F8: variants seen among roughly 807,000 people sequenced by gnomAD.
F8 encodes the protein antihemophilic factor.
A neutral mutation model predicts 140.6 loss-of-function variants in F8; 12 were observed. The observed-to-expected ratio is 0.09, with a 90% CI of 0.05 to 0.14. F8 has a LOEUF of 0.14. Ranked by LOEUF, F8 falls within the 10% of genes least tolerant of loss-of-function variation. The pLI is 1.00. For synonymous variants in F8, 585 were observed against 614.6 expected (o/e 0.95, Z 0.71); for missense variants, 1,354 against 1,720.7 (o/e 0.79, Z 3.77).
intron 14 of F8, among the ~76,000 whole-genome samples, chrX:154,909,922 A>T (rs184955513): frequency 2.1e-4 from 24 of 112,176 alleles, no homozygotes; most frequent in African/African-American, 3.2e-5. Flanking sequence ...AACTATAGTC[A>T]CCCTACTGTA....
intron 6 of F8, among the ~76,000 whole-genome samples, chrX:154,976,946 T>C (rs1603435711): frequency 9.0e-6 from 1 of 111,702 alleles, no homozygotes; most frequent in East Asian, 2.8e-4. Flanking sequence ...AGTTGTTGTG[T>C]AGATCCTTTG....
chrX:154,852,672 T>G (rs2072624833), intron 25 of F8, among the ~76,000 whole-genome samples: 1 of 111,372 alleles, frequency 9.0e-6, no homozygotes, highest in South Asian at 3.7e-4. Flanking sequence ...TCAAGATTGT[T>G]TTGGCTATTC....
intron 22 of F8, among the ~76,000 whole-genome samples, chrX:154,867,805 A>G (rs1311836931): frequency 9.0e-6 from 1 of 110,913 alleles, no homozygotes; most frequent in Non-Finnish European, 1.9e-5. Context: ...AACACCAGCC[A>G]ACCAAATTCA....
intron 22 of F8, among the ~76,000 whole-genome samples, chrX:154,876,245 G>A (rs1418825830): frequency 1.9e-5 from 2 of 106,480 alleles, no homozygotes; most frequent in Non-Finnish European, 3.9e-5. Context: ...TCAGCCTCCC[G>A]AGTAGCTGGG....
At position 154,895,176 on chromosome X, in the gene F8, T is replaced by C. The variant is rs369697164; in HGVS notation, c.6429+901A>G. ...ATGCCAATCTTTTGCCAGTGCTCCC[T>C]GTTGGTGAAATCCAACCAAAAGCTG... On this transcript the variant is annotated intron_variant, in intron 22 of 25. Transcript: ENST00000360256. Among the ~76,000 whole-genome samples, 14 of 112,246 alleles carry C rather than the reference T, an allele frequency of 1.2e-4. No homozygotes were observed. The South Asian group carries it at 5.2e-3, about 42-fold the overall frequency.
intron 22 of F8, among the ~76,000 whole-genome samples, chrX:154,888,406 T>TTTTTTTTTTTTA (rs1288957215): frequency 2.7e-5 from 2 of 73,719 alleles, no homozygotes; most frequent in East Asian, 7.7e-4. Context: ...TTTTTTTTTT[T>TTTTTTTTTTTTA]CCCCCCGAGA....
intron 6 of F8, among the ~76,000 whole-genome samples, chrX:154,970,623 T>C (rs1260129405): frequency 2.7e-5 from 3 of 111,574 alleles, no homozygotes; most frequent in Non-Finnish European, 3.8e-5. Flanking sequence ...TCATTCCACA[T>C]AGAATAAAGT....
At chrX:154,932,384 A>G (rs1557278918) in intron 13 of F8, among the ~76,000 whole-genome samples, 1 of 112,196 alleles carries the variant, frequency 8.9e-6, no homozygotes, top group African/African-American at 3.2e-5. Context: ...GAATGCAACA[A>G]GTTATAATAG....
Position 154,837,730 on chromosome X carries a change from G to A in F8, c.6923C>T (p.Ser2308Phe). The A allele has an allele frequency of 8.3e-7, 1 of 1,211,691 alleles. No homozygotes were observed. Among genetic ancestry groups the A allele is most frequent in the Non-Finnish European group, 1.1e-6 (1 of 895,220 alleles). The change falls in exon 26 of 26, where the codon TCC (serine) becomes TTC (phenylalanine). Residue 2308 changes from serine to phenylalanine, a missense_variant. Around this residue, in one of 4 missense-constraint regions of F8, gnomAD observed 316 missense variants for 485.4 expected, o/e 0.65. Coordinates refer to ENST00000360256, the MANE Select transcript of F8 (RefSeq NM_000132.4). Reference sequence around the variant, plus strand: ...TAGAGAGTTCACCACAGGTGTGAAGGAGTCTTGATTTCCCTGAAAAACCTG... The same window carrying A: ...TAGAGAGTTCACCACAGGTGTGAAGAAGTCTTGATTTCCCTGAAAAACCTG... ...KVKVFQGNQDSFTPVVNSLDP... is the reference protein window; with the variant it reads ...KVKVFQGNQDFFTPVVNSLDP...
At chrX:154,843,012 G>C (rs1206864308) in intron 25 of F8, among the ~76,000 whole-genome samples, 1 of 111,345 alleles carries the variant, frequency 9.0e-6, no homozygotes, top group Non-Finnish European at 1.9e-5. Context: ...TGTTCTTATT[G>C]TTCAATTCCC....
At chrX:154,870,614 G>T (rs1603431831) in intron 22 of F8, among the ~76,000 whole-genome samples, 1 of 111,744 alleles carries the variant, frequency 8.9e-6, no homozygotes, top group Admixed American at 9.5e-5. Flanking sequence ...AAAACTGGAA[G>T]CATTCCCTTT....
chrX:154,941,546 G>C (rs1557279751), intron 13 of F8, among the ~76,000 whole-genome samples: 1 of 111,105 alleles, frequency 9.0e-6, no homozygotes, highest in Non-Finnish European at 1.9e-5. Flanking sequence ...AAGAGACTTA[G>C]ACTCCCACAC....
rs782473198 is a variant in F8, at chrX:154,866,912, G to A, written c.6430-3685C>T. Among the ~76,000 whole-genome samples the A allele has an allele frequency of 2.7e-5, 3 of 110,490 alleles. No individual in the cohort carries two copies. In the South Asian group the frequency reaches 1.1e-3, roughly 41 times the overall value. On this transcript the variant is annotated intron_variant, in intron 22 of 25. Coordinates refer to ENST00000360256, the MANE Select transcript of F8 (RefSeq NM_000132.4). ...AATTGGAAATAACTGACAAAACTAAGAGTTGATTTTTTTGAAAAAATAAAC... is the reference window on the plus strand; with the variant it reads ...AATTGGAAATAACTGACAAAACTAAAAGTTGATTTTTTTGAAAAAATAAAC...
intron 3 of F8, among the ~76,000 whole-genome samples, chrX:154,995,466 ACCAAGGTAAGTGAC>A (rs1382545162): frequency 2.7e-5 from 3 of 111,905 alleles, no homozygotes; most frequent in Non-Finnish European, 5.6e-5. Context: ...AACAGATTTA[ACCAAGGTAAGTGAC>A]CCAGCCCAGA....
chrX:155,013,077 C>T (rs904623611), intron 1 of F8, among the ~76,000 whole-genome samples: 12 of 91,322 alleles, frequency 1.3e-4, no homozygotes, highest in Non-Finnish European at 2.2e-4. Context: ...ACCCGGGAGG[C>T]GGAGCTTGCA....
chrX:154,986,784 G>T (rs1557284272), intron 5 of F8, among the ~76,000 whole-genome samples: 2 of 111,211 alleles, frequency 1.8e-5, no homozygotes, highest in African/African-American at 6.5e-5. Context: ...AGAGGCGGAG[G>T]TACTAACACT....
chrX:154,916,836 G>T (rs1168669634), intron 14 of F8, among the ~76,000 whole-genome samples: 2 of 109,490 alleles, frequency 1.8e-5, no homozygotes, highest in Non-Finnish European at 3.8e-5. Context: ...CTAATTTTGG[G>T]TTTGGTTTGC....
At chrX:154,890,586 CTT>C (rs1204574340) in intron 22 of F8, among the ~76,000 whole-genome samples, 1 of 111,808 alleles carries the variant, frequency 8.9e-6, no homozygotes, top group Non-Finnish European at 1.9e-5. Flanking sequence ...CTTGCCAACT[CTT>C]GATACAGAAG....
chrX:155,015,121 A>C (rs1376799947), intron 1 of F8, among the ~76,000 whole-genome samples: 1 of 112,339 alleles, frequency 8.9e-6, no homozygotes, highest in African/African-American at 3.2e-5. Flanking sequence ...TTGCCTATAT[A>C]CAGTCATTTA....
Sources: gnomAD v4.1 joint callset for allele counts (sites outside exome capture counted in the v4.1 genomes callset) on GRCh38, gnomAD v4.1.1 for gene constraint, gnomAD v4.1.1 regional missense constraint, MANE v1.5 for transcripts, NCBI Gene and HGNC (gene_info 2026-07-23, HGNC 2026-07-21) for gene names.